CDH18: variants seen among roughly 807,000 people sequenced by gnomAD.
The protein encoded by CDH18 is cadherin-18.
CDH18 carries 31 observed loss-of-function variants against 67.9 expected under a neutral mutation model. That is an observed-to-expected ratio of 0.46 (90% CI 0.34 to 0.62). CDH18 has a LOEUF of 0.62. Among genes scored for constraint, CDH18 ranks in the 20% least tolerant of loss-of-function variants. The pLI is 0.01. For missense variants in CDH18, 890 were observed against 975.5 expected, an observed-to-expected ratio of 0.91 and a Z score of 1.17; for synonymous variants, 362 against 347.2, an observed-to-expected ratio of 1.04 and a Z score of -0.48.
chr5:19,961,269 C>T (rs1796876014), intron 2 of CDH18, among the ~76,000 whole-genome samples: 1 of 151,538 alleles, frequency 6.6e-6, no homozygotes, highest in Non-Finnish European at 1.5e-5. Flanking sequence ...CACCAGCACG[C>T]TAATTTGTTT....
intron 10 of CDH18, among the ~76,000 whole-genome samples, chr5:19,503,816 A>G (rs1183218713): frequency 6.6e-6 from 1 of 152,060 alleles, no homozygotes; most frequent in African/African-American, 2.4e-5. Flanking sequence ...TTCAATAGGT[A>G]TGGCCAGTCT....
chr5:19,632,615 T>C (rs954034420), intron 5 of CDH18, among the ~76,000 whole-genome samples: 1 of 152,172 alleles, frequency 6.6e-6, no homozygotes, highest in Non-Finnish European at 1.5e-5. Flanking sequence ...TTATCATGAG[T>C]GTCACCCATT....
chr5:20,428,130 G>T (rs1187100542), intron 1 of CDH18, among the ~76,000 whole-genome samples: 3 of 150,814 alleles, frequency 2.0e-5, no homozygotes, highest in Admixed American at 6.6e-5. Flanking sequence ...GGTGTGTGAT[G>T]TTCCCCTCCC....
At chr5:19,613,721 G>A (rs185479306) in intron 5 of CDH18, among the ~76,000 whole-genome samples, 1 of 151,940 alleles carries the variant, frequency 6.6e-6, no homozygotes, top group African/African-American at 2.4e-5. Flanking sequence ...AGTTAAAAAC[G>A]CATATTCTGG....
intron 2 of CDH18, among the ~76,000 whole-genome samples, chr5:20,216,062 A>C (rs1435495817): frequency 6.6e-6 from 1 of 152,010 alleles, no homozygotes; most frequent in East Asian, 1.9e-4. Flanking sequence ...TAATCTGTAT[A>C]ATAAACCCCC....
chr5:20,165,131 CA>C (rs565014696), intron 2 of CDH18, among the ~76,000 whole-genome samples: 20 of 151,958 alleles, frequency 1.3e-4, no homozygotes, highest in African/African-American at 4.6e-4. Context: ...TCAAGGTCAA[CA>C]AAAATGGGAA....
At chr5:19,722,642 C>T (rs1267697985) in intron 4 of CDH18, among the ~76,000 whole-genome samples, 1 of 151,562 alleles carries the variant, frequency 6.6e-6, no homozygotes, top group African/African-American at 2.4e-5. Context: ...TATACAGCTT[C>T]ATTGCAGAAT....
chr5:20,121,469 TA>T (rs1748346972), intron 2 of CDH18, among the ~76,000 whole-genome samples: 1 of 152,172 alleles, frequency 6.6e-6, no homozygotes, highest in African/African-American at 2.4e-5. Flanking sequence ...TTACTATTTG[TA>T]TTTGTACAGT....
chr5:20,049,320 CA>C (rs1033502536), intron 2 of CDH18, among the ~76,000 whole-genome samples: 2 of 149,676 alleles, frequency 1.3e-5, no homozygotes, highest in African/African-American at 2.4e-5. Context: ...AACACATACA[CA>C]AAAAAAAATA....
chr5:19,612,802 C>T (rs1749207046), intron 5 of CDH18, among the ~76,000 whole-genome samples: 1 of 152,104 alleles, frequency 6.6e-6, no homozygotes, highest in Non-Finnish European at 1.5e-5. Flanking sequence ...CCCAAACATC[C>T]TATTAAGTAA....
chr5:19,855,489 A>AT (rs757010292), intron 2 of CDH18, among the ~76,000 whole-genome samples: 14 of 151,814 alleles, frequency 9.2e-5, no homozygotes, highest in African/African-American at 2.7e-4. Flanking sequence ...ATTTTATTTT[A>AT]TTTTTTTTCT....
chr5:20,041,011 G>A (rs550449658), intron 2 of CDH18, among the ~76,000 whole-genome samples: 3 of 152,250 alleles, frequency 2.0e-5, no homozygotes, highest in African/African-American at 4.8e-5. Flanking sequence ...TTATGAGAGC[G>A]GTAACATTAT....
At chr5:20,072,284 T>G (rs1743546421) in intron 2 of CDH18, among the ~76,000 whole-genome samples, 4 of 152,020 alleles carry the variant, frequency 2.6e-5, no homozygotes, top group Admixed American at 2.0e-4. Flanking sequence ...CTCCAAGAAT[T>G]TCTCTTCTTG....
In CDH18 at chr5:20,093,357, T is replaced by TC. The variant is rs1259418237; in HGVS notation, c.-517-101344_-517-101343insG. ...TTAAACAATAACTCCTCCTGTATTC[T>TC]TTTTTTTTTTCTGTTCTAGTTATTT... is the stretch of plus-strand genomic sequence containing the variant. On this transcript the variant is annotated intron_variant, in intron 2 of 14. Coordinates refer to the CDH18 transcript ENST00000507958. Among the ~76,000 whole-genome samples, 3 of 14,040 alleles carry TC rather than the reference T, an allele frequency of 2.1e-4. No individual in the cohort carries two copies. The Non-Finnish European group carries it at 3.8e-3, about 18-fold the overall frequency. 9.2% of individuals were successfully genotyped at this position (14,040 alleles called of 152,430 possible). A position where few individuals can be genotyped will look rare whatever the true frequency, so the allele number is the denominator to read the frequency against.
chr5:19,722,909 G>A (rs1004854746), intron 4 of CDH18, among the ~76,000 whole-genome samples: 1 of 152,052 alleles, frequency 6.6e-6, no homozygotes, highest in Non-Finnish European at 1.5e-5. Context: ...CAATGACTCA[G>A]GACCTAATGT....
intron 3 of CDH18, among the ~76,000 whole-genome samples, chr5:19,834,032 T>C (rs1341883848): frequency 6.6e-6 from 1 of 152,144 alleles, no homozygotes; most frequent in Non-Finnish European, 1.5e-5. Flanking sequence ...GCCGGCTTCA[T>C]AAAATGAGTT....
intron 2 of CDH18, among the ~76,000 whole-genome samples, chr5:20,226,669 CA>C (rs1348827547): frequency 6.6e-6 from 1 of 152,016 alleles, no homozygotes; most frequent in East Asian, 1.9e-4. Context: ...CAAAAAATAT[CA>C]AACATATAAC....
At chr5:20,041,830 G>A (rs932179104) in intron 2 of CDH18, among the ~76,000 whole-genome samples, 1 of 152,218 alleles carries the variant, frequency 6.6e-6, no homozygotes, top group African/African-American at 2.4e-5. Context: ...AGGAAAAGAA[G>A]CAGAATAATA....
At chr5:19,712,252 T>C (rs889991098) in intron 5 of CDH18, among the ~76,000 whole-genome samples, 10 of 152,018 alleles carry the variant, frequency 6.6e-5, no homozygotes, top group Non-Finnish European at 1.2e-4. Context: ...CACCACTATA[T>C]ATCCATGTAA....
Sources: gnomAD v4.1 joint callset for allele counts (sites outside exome capture counted in the v4.1 genomes callset) on GRCh38, gnomAD v4.1.1 for gene constraint, MANE v1.5 for transcripts, NCBI Gene and HGNC (gene_info 2026-07-23, HGNC 2026-07-21) for gene names.